DNAJB5: variants seen among roughly 807,000 people sequenced by gnomAD.
The protein encoded by DNAJB5 is dnaJ homolog subfamily B member 5.
Under a neutral mutation model 32.6 loss-of-function variants are expected in DNAJB5, and 12 were observed. The observed-to-expected ratio is 0.37, with a 90% CI of 0.24 to 0.60. DNAJB5 has a LOEUF of 0.60. DNAJB5 is among the 20% of genes least tolerant of loss of function. The probability of loss-of-function intolerance (pLI) is 0.71; values close to 1 mark genes in which losing one functional copy is unlikely to be tolerated. For missense variants in DNAJB5, 358 were observed against 554.2 expected, an observed-to-expected ratio of 0.65 and a Z score of 3.55; for synonymous variants, 188 against 212.9, an observed-to-expected ratio of 0.88 and a Z score of 1.02.
chr9:34,989,762 C>G lies in DNAJB5; in HGVS notation c.-202C>G. 8.1e-7 allele frequency: 1 copy of G among 1,231,326 alleles called. No individual in the cohort carries two copies. The highest frequency in any genetic ancestry group is 1.0e-6 in the Non-Finnish European group (1 of 987,578). The allele number at this position is 1,231,326 out of a possible 1,614,324, so 76.3% of individuals were successfully genotyped here. On this transcript the variant is annotated 5_prime_UTR_variant, in exon 1 of 5. Coordinates refer to ENST00000682809, the MANE Select transcript of DNAJB5 (RefSeq NM_001349723.3). ...CGACTCCTGTCCCGGGTGGAGGCGGCGGAGCCGGAGCCGGGGGAGGGGGCA... is the reference window on the plus strand; with the variant it reads ...CGACTCCTGTCCCGGGTGGAGGCGGGGGAGCCGGAGCCGGGGGAGGGGGCA...
In DNAJB5 at chr9:34,993,156, G is replaced by A. The variant is rs1812808775; in HGVS notation, c.183-44G>A. 6.4e-7 allele frequency: 1 copy of A among 1,574,508 alleles called. No individual in the cohort carries two copies. Among genetic ancestry groups the A allele is most frequent in the Non-Finnish European group, 8.6e-7 (1 of 1,162,296 alleles). On this transcript the variant is annotated intron_variant, in intron 2 of 4. Coordinates refer to ENST00000682809, the MANE Select transcript of DNAJB5 (RefSeq NM_001349723.3). This position sits in a 1 kb window ranked among gnomAD's most constrained non-coding sequence, Gnocchi z 4.7. ...GCAAGATCATCAGGAACAGGGCTGG[G>A]GCAGAAGAGAAGGCATCAAGTCTTG...
chr9:34,994,560 A>G (rs1827740760), intron 3 of DNAJB5, among the ~76,000 whole-genome samples: 1 of 152,182 alleles, frequency 6.6e-6, no homozygotes, highest in South Asian at 2.1e-4. Flanking sequence ...TGGGAGGGAT[A>G]GGAGTGGAAA....
chr9:34,989,884 C>G, intron 1 of DNAJB5, 53 bp downstream of exon 1: 1 of 1,238,088 alleles, frequency 8.1e-7, no homozygotes, highest in East Asian at 3.1e-5. Flanking sequence ...CGTCGTGAAG[C>G]CAGGGCTCCT....
At chr9:34,994,089 T>G (rs1325443767) in intron 3 of DNAJB5, among the ~76,000 whole-genome samples, 1 of 152,066 alleles carries the variant, frequency 6.6e-6, no homozygotes, top group Admixed American at 6.5e-5. Flanking sequence ...GGGAGGCCCC[T>G]CCCAGCACAT....
At chr9:34,989,952 G>A in intron 1 of DNAJB5, 121 bp downstream of exon 1, 1 of 1,193,114 alleles carries the variant, frequency 8.4e-7, no homozygotes, top group East Asian at 2.9e-5. Flanking sequence ...GGGGATGCGG[G>A]GCCCCGGGGT....
At chr9:34,992,154 C>T (rs1041121013) in intron 2 of DNAJB5, 10 of 152,392 alleles carry the variant, frequency 6.6e-5, no homozygotes, top group African/African-American at 2.4e-4. Context: ...CCCTGATATC[C>T]ACCACAGACA....
chr9:34,990,575 G>A lies in DNAJB5; in HGVS notation c.-56G>A. ...GTCCAAGGAGGTGGCTTCCAGAGCT[G>A]CAGCACTTCAGGCCGGCTCCGGTGG... On this transcript the variant is annotated 5_prime_UTR_variant, in exon 2 of 5. Coordinates refer to ENST00000682809, the MANE Select transcript of DNAJB5 (RefSeq NM_001349723.3). This position sits in a 1 kb window ranked among gnomAD's most constrained non-coding sequence, Gnocchi z 4.5. 1 of 1,550,994 alleles carries A rather than the reference G, an allele frequency of 6.4e-7. No individual in the cohort carries two copies. The highest frequency in any genetic ancestry group is 2.4e-5 in the East Asian group (1 of 40,916).
At position 34,989,785 on chromosome 9, in the gene DNAJB5, G is replaced by A; in HGVS notation, c.-179G>A. The A allele has an allele frequency of 8.1e-7, 1 of 1,231,606 alleles. No individual in the cohort carries two copies. The highest frequency in any genetic ancestry group is 1.0e-6 in the Non-Finnish European group (1 of 987,758). The allele number at this position is 1,231,606 out of a possible 1,614,324, so 76.3% of individuals were successfully genotyped here. The stretch of plus-strand genomic sequence containing the variant: ...GGCGGAGCCGGAGCCGGGGGAGGGG[G>A]CAGCGGCTGTCTCACGGACCACGGC... On this transcript the variant is annotated 5_prime_UTR_variant, in exon 1 of 5. Coordinates refer to ENST00000682809, the MANE Select transcript of DNAJB5 (RefSeq NM_001349723.3).
rs1563952536 is a variant in DNAJB5, at chr9:34,997,183, A to C, written c.1187A>C (p.Glu396Ala). The C allele has an allele frequency of 6.2e-7, 1 of 1,614,096 alleles. No individual in the cohort carries two copies. Among genetic ancestry groups the C allele is most frequent in the Admixed American group, 1.7e-5 (1 of 60,020 alleles). The change falls in exon 5 of 5, where the codon GAG (glutamate) becomes GCG (alanine). Residue 396 changes from glutamate to alanine, a missense_variant. Transcript: ENST00000682809. The surrounding 1 kb of genome is among the most constrained non-coding windows in gnomAD (Gnocchi z 4.1). ...VPTQRGDLIV[E>A]FKVRFPDRLT... The stretch of plus-strand genomic sequence containing the variant: ...ACTCAGCGAGGAGACCTCATTGTTG[A>C]GTTCAAAGTTCGCTTCCCAGACAGA...
At position 34,997,021 on chromosome 9, in the gene DNAJB5, C is replaced by T; in HGVS notation, c.1030-5C>T. Reference sequence around the variant, plus strand: ...TTTCCTCACTTTCTGCTTCGTCTTTCCCAGGCGCTGTGTGGCTGCACTGTG... The same window carrying T: ...TTTCCTCACTTTCTGCTTCGTCTTTTCCAGGCGCTGTGTGGCTGCACTGTG... On this transcript the variant is annotated splice_region_variant and splice_polypyrimidine_tract_variant and intron_variant, in intron 4 of 4. Coordinates refer to ENST00000682809, the MANE Select transcript of DNAJB5 (RefSeq NM_001349723.3). The surrounding 1 kb of genome is among the most constrained non-coding windows in gnomAD (Gnocchi z 4.1). 6.2e-7 allele frequency: 1 copy of T among 1,611,974 alleles called. No homozygotes were observed. Among genetic ancestry groups the T allele is most frequent in the Non-Finnish European group, 8.5e-7 (1 of 1,179,968 alleles).
intron 2 of DNAJB5, chr9:34,992,420 C>T (rs1827674487): frequency 6.6e-6 from 1 of 152,266 alleles, no homozygotes; most frequent in African/African-American, 2.4e-5. Context: ...TTTGTTCACT[C>T]ACACTGGTGC....
chr9:34,990,602 G>A lies in DNAJB5; in HGVS notation c.-29G>A. ...AGCACTTCAGGCCGGCTCCGGTGGA[G>A]CGATCAGAGGTGAGGGGCTTGGCTG... is the stretch of plus-strand genomic sequence containing the variant. On this transcript the variant is annotated 5_prime_UTR_variant, in exon 2 of 5. Transcript: ENST00000682809. This position sits in a 1 kb window ranked among gnomAD's most constrained non-coding sequence, Gnocchi z 4.5. 1 of 1,551,498 alleles carries A rather than the reference G, an allele frequency of 6.4e-7. No individual in the cohort carries two copies. The highest frequency in any genetic ancestry group is 8.7e-7 in the Non-Finnish European group (1 of 1,146,938).
chr9:34,997,317 T>A lies in DNAJB5; in HGVS notation c.*58T>A, dbSNP rs534902052. 1.3e-6 allele frequency: 2 copies of A among 1,531,800 alleles called. No individual in the cohort carries two copies. The highest frequency in any genetic ancestry group is 2.2e-5 in the South Asian group (2 of 89,396). 94.9% of individuals were successfully genotyped at this position (1,531,800 alleles called of 1,614,324 possible). A position where few individuals can be genotyped will look rare whatever the true frequency, so the allele number is the denominator to read the frequency against. ...GCAATACCCCCAACACTCACTCCAC[T>A]CAATGTGCACCCAGCTTGATGTCCA... On this transcript the variant is annotated 3_prime_UTR_variant, in exon 5 of 5. Transcript: ENST00000682809. This position sits in a 1 kb window ranked among gnomAD's most constrained non-coding sequence, Gnocchi z 4.1.
Position 34,996,213 on chromosome 9 carries a change from G to T in DNAJB5, c.428-52G>T. 6.4e-7 allele frequency: 1 copy of T among 1,567,850 alleles called. No individual in the cohort carries two copies. Among genetic ancestry groups the T allele is most frequent in the Non-Finnish European group, 8.6e-7 (1 of 1,156,612 alleles). ...AGCTAGAGGGCAGGGGGAAGACACT[G>T]GGATTGGGGCCAGAATAAGCCACAC... On this transcript the variant is annotated intron_variant, in intron 3 of 4. Coordinates refer to ENST00000682809, the MANE Select transcript of DNAJB5 (RefSeq NM_001349723.3). The surrounding 1 kb of genome is among the most constrained non-coding windows in gnomAD (Gnocchi z 7.2).
Position 34,997,568 on chromosome 9 carries a change from A to C in DNAJB5, c.*309A>C. 2.0e-6 allele frequency: 1 copy of C among 496,884 alleles called. No homozygotes were observed. The highest frequency in any genetic ancestry group is 3.7e-6 in the Non-Finnish European group (1 of 268,118). The allele number at this position is 496,884 out of a possible 1,614,324, so 30.8% of individuals were successfully genotyped here. On this transcript the variant is annotated 3_prime_UTR_variant, in exon 5 of 5. Transcript: ENST00000682809. The surrounding 1 kb of genome is among the most constrained non-coding windows in gnomAD (Gnocchi z 4.1). ...GAGTGCTACTTGAAGATATGTAGAG[A>C]TTCCTTATCCATGCCTGTACATAGC...
Position 34,993,454 on chromosome 9 carries a change from C to A in DNAJB5, c.427+10C>A, listed in dbSNP as rs1489702970. ...CAGTATGGGGAGGAAGGTAAGAGGGCAGCACTCCAGCCCAATCCCGGACCC... is the reference window on the plus strand; with the variant it reads ...CAGTATGGGGAGGAAGGTAAGAGGGAAGCACTCCAGCCCAATCCCGGACCC... On this transcript the variant is annotated intron_variant, in intron 3 of 4. Transcript: ENST00000682809. This position sits in a 1 kb window ranked among gnomAD's most constrained non-coding sequence, Gnocchi z 4.7. 32 of 1,607,700 alleles carry A rather than the reference C, an allele frequency of 2.0e-5. No homozygotes were observed. Among genetic ancestry groups the A allele is most frequent in the Non-Finnish European group, 2.7e-5 (32 of 1,178,284 alleles).
Position 34,993,237 on chromosome 9 carries a change from G to C in DNAJB5, c.220G>C (p.Gly74Arg). The part of the protein sequence containing the change: ...ETSAGPVAVM[G>R]KDYYKILGIP... ...CAGTGCTGGTCCAGTGGCTGTGATG[G>C]GAAAAGATTATTACAAGATTCTTGG... is the stretch of plus-strand genomic sequence containing the variant. Residue 74 changes from glycine to arginine, a missense_variant, in exon 3 of 5, where the codon GGA (glycine) becomes CGA (arginine). This residue lies in a region of DNAJB5 where 110 missense variants were observed against 111.7 expected (regional missense o/e 0.99). Coordinates refer to ENST00000682809, the MANE Select transcript of DNAJB5 (RefSeq NM_001349723.3). The surrounding 1 kb of genome is among the most constrained non-coding windows in gnomAD (Gnocchi z 4.7). 6.2e-7 allele frequency: 1 copy of C among 1,613,922 alleles called. No homozygotes were observed. Among genetic ancestry groups the C allele is most frequent in the Non-Finnish European group, 8.5e-7 (1 of 1,179,926 alleles).
At position 34,993,183 on chromosome 9, in the gene DNAJB5, C is replaced by A. The variant is rs764741746; in HGVS notation, c.183-17C>A. The A allele has an allele frequency of 4.4e-6, 7 of 1,604,046 alleles. No individual in the cohort carries two copies. Among genetic ancestry groups the A allele is most frequent in the Non-Finnish European group, 6.0e-6 (7 of 1,176,066 alleles). ...CAGAAGAGAAGGCATCAAGTCTTGG[C>A]CCTGGGTTTCTTTCAGAAACAAGGA... On this transcript the variant is annotated splice_polypyrimidine_tract_variant and intron_variant, in intron 2 of 4. Transcript: ENST00000682809. The surrounding 1 kb of genome is among the most constrained non-coding windows in gnomAD (Gnocchi z 4.7).
intron 3 of DNAJB5, among the ~76,000 whole-genome samples, chr9:34,994,493 G>A (rs562275545): frequency 2.3e-4 from 35 of 152,152 alleles, no homozygotes; most frequent in Middle Eastern, 3.4e-3. Flanking sequence ...ACCAGATACC[G>A]GCTGGAACCC....
Sources: allele counts gnomAD v4.1 joint callset (sites outside exome capture counted in the v4.1 genomes callset), GRCh38; gene constraint gnomAD v4.1.1; regional missense constraint gnomAD v4.1.1; non-coding constraint Gnocchi (gnomAD v3.1); transcripts MANE v1.5; gene names NCBI Gene and HGNC (gene_info 2026-07-23, HGNC 2026-07-21).